ADGRL2: variants seen among roughly 807,000 people sequenced by gnomAD.
ADGRL2 encodes adhesion G protein-coupled receptor L2.
A neutral mutation model predicts 157.4 loss-of-function variants in ADGRL2; 44 were observed. That is an observed-to-expected ratio of 0.28 (90% CI 0.22 to 0.36). ADGRL2 has a LOEUF of 0.36. Among genes scored for constraint, ADGRL2 ranks in the 10% least tolerant of loss-of-function variants. The pLI, the probability that ADGRL2 is intolerant of heterozygous loss-of-function variation, is 1.00. For synonymous variants in ADGRL2, 585 were observed against 624.7 expected (o/e 0.94, Z 0.95); for missense variants, 1,510 against 1,768.9 (o/e 0.85, Z 2.63).
Position 81,851,787 on chromosome 1 carries a change from G to C in ADGRL2, c.73+14730G>C, listed in dbSNP as rs577424811. 1.9e-4 allele frequency among the ~76,000 whole-genome samples: 28 copies of C among 145,872 alleles called. No individual in the cohort carries two copies. The South Asian group carries it at 6.4e-3, about 33-fold the overall frequency. On this transcript the variant is annotated intron_variant, in intron 2 of 23. Transcript: ENST00000686636. ...GTATGTGTATGTATTCTGGCTGTCA[G>C]AATTTCTTATTTTCCACGTACGTTT...
intron 1 of ADGRL2, among the ~76,000 whole-genome samples, chr1:81,311,715 A>G (rs990910721): frequency 1.3e-5 from 2 of 152,238 alleles, no homozygotes; most frequent in African/African-American, 4.8e-5. Context: ...CTGACAGCAT[A>G]TTAAAATTTA....
At chr1:81,511,621 G>A (rs950173726) in intron 2 of ADGRL2, among the ~76,000 whole-genome samples, 1 of 151,994 alleles carries the variant, frequency 6.6e-6, no homozygotes, top group Non-Finnish European at 1.5e-5. Flanking sequence ...TTTTAAATTA[G>A]TAATCTCACT....
chr1:81,554,395 G>A (rs2080221842), intron 2 of ADGRL2, among the ~76,000 whole-genome samples: 1 of 151,998 alleles, frequency 6.6e-6, no homozygotes, highest in East Asian at 1.9e-4. Context: ...AGAACTGACT[G>A]AGCTCTTGCT....
intron 3 of ADGRL2, among the ~76,000 whole-genome samples, chr1:81,635,738 G>A (rs1375924986): frequency 1.3e-5 from 2 of 152,118 alleles, no homozygotes; most frequent in African/African-American, 2.4e-5. Context: ...TCACATTGGG[G>A]CATAAGATTT....
At chr1:81,690,867 C>T (rs1286823016) in intron 3 of ADGRL2, among the ~76,000 whole-genome samples, 1 of 152,166 alleles carries the variant, frequency 6.6e-6, no homozygotes, top group Non-Finnish European at 1.5e-5. Flanking sequence ...AGGTTTATTT[C>T]CCGTTTGTAA....
At chr1:81,594,427 T>A (rs1557490725) in intron 3 of ADGRL2, among the ~76,000 whole-genome samples, 1 of 152,346 alleles carries the variant, frequency 6.6e-6, no homozygotes, top group Middle Eastern at 3.4e-3. Context: ...TTTGGATAAG[T>A]CAAGTTGTCA....
chr1:81,949,397 C>T (rs1022976495), intron 6 of ADGRL2, among the ~76,000 whole-genome samples: 1 of 152,108 alleles, frequency 6.6e-6, no homozygotes, highest in African/African-American at 2.4e-5. Flanking sequence ...ATAATGAAAA[C>T]ATTTTTGCTT....
chr1:81,930,108 T>G (rs989487023), intron 3 of ADGRL2, among the ~76,000 whole-genome samples: 1 of 152,162 alleles, frequency 6.6e-6, no homozygotes, highest in Non-Finnish European at 1.5e-5. Context: ...TGAACAGAGA[T>G]AAACAGTATG....
chr1:81,414,331 G>A lies in ADGRL2; in HGVS notation c.-301-30705G>A, dbSNP rs576861580. 167 of 152,296 alleles carry A rather than the reference G, an allele frequency of 1.1e-3. 1 individual carries two copies. The highest frequency in any genetic ancestry group is 3.6e-3 in the African/African-American group (150 of 41,554). 9.4% of individuals were successfully genotyped at this position (152,296 alleles called of 1,614,324 possible). On this transcript the variant is annotated intron_variant, in intron 1 of 24. Transcript: ENST00000370721. Reference sequence around the variant, plus strand: ...TCCAGCTTCCCACAGTAATAAAATGGCACTGTTTGGCATCTTCGAGGTAAT... The same window carrying A: ...TCCAGCTTCCCACAGTAATAAAATGACACTGTTTGGCATCTTCGAGGTAAT...
chr1:81,427,372 A>G, intron 1 of ADGRL2: 1 of 735,848 alleles, frequency 1.4e-6, no homozygotes, highest in Admixed American at 1.7e-5. Flanking sequence ...CAGGATATGG[A>G]AACCAAGGTG....
intron 1 of ADGRL2, among the ~76,000 whole-genome samples, chr1:81,811,667 G>GT (rs1171832143): frequency 2.3e-4 from 34 of 150,922 alleles, no homozygotes; most frequent in Admixed American, 4.6e-4. Flanking sequence ...ACCCAGATCA[G>GT]TTTTTTTTTA....
At chr1:81,990,216 T>C (rs771916140) in intron 23 of ADGRL2, 175 bp from the exon 24 acceptor site, 8 of 985,376 alleles carry the variant, frequency 8.1e-6, no homozygotes, top group Non-Finnish European at 9.6e-6. Flanking sequence ...TCCTGTTATC[T>C]AAGGGGTTGC....
At chr1:81,909,261 T>G (rs558319963) in intron 3 of ADGRL2, among the ~76,000 whole-genome samples, 18 of 152,276 alleles carry the variant, frequency 1.2e-4, no homozygotes, top group Admixed American at 3.3e-4. Flanking sequence ...TAAGAGTTCT[T>G]TGTATATTTT....
At chr1:81,660,659 G>A (rs1158702843) in intron 3 of ADGRL2, among the ~76,000 whole-genome samples, 4 of 151,962 alleles carry the variant, frequency 2.6e-5, no homozygotes, top group East Asian at 3.9e-4. Flanking sequence ...TTTTCAAAGG[G>A]GACCTTTGAA....
intron 3 of ADGRL2, among the ~76,000 whole-genome samples, chr1:81,921,653 T>G (rs2094981809): frequency 1.3e-5 from 2 of 152,192 alleles, no homozygotes; most frequent in African/African-American, 4.8e-5. Context: ...AACCGAGCCT[T>G]TCAGACAAGT....
chr1:81,758,637 C>T (rs534435655), intron 1 of ADGRL2, among the ~76,000 whole-genome samples: 3 of 152,224 alleles, frequency 2.0e-5, no homozygotes, highest in Admixed American at 6.5e-5. Flanking sequence ...AAATCTGTGG[C>T]GTGGTTCTAT....
intron 1 of ADGRL2, among the ~76,000 whole-genome samples, chr1:81,760,941 A>G (rs1306551799): frequency 6.6e-6 from 1 of 151,930 alleles, no homozygotes; most frequent in African/African-American, 2.4e-5. Context: ...TCATAGGGAG[A>G]ATTCCTGAAT....
At position 81,711,620 on chromosome 1, in the gene ADGRL2, T is replaced by A. The variant is rs568284553; in HGVS notation, c.-143+11812T>A. Among the ~76,000 whole-genome samples, 24 of 152,308 alleles carry A rather than the reference T, an allele frequency of 1.6e-4. No individual in the cohort carries two copies. The South Asian group carries it at 3.3e-3, about 21-fold the overall frequency. ...TTTTGTTTTTGTTTTATTGCAAGTG[T>A]GAGGTGGTTAAGAATATGACTATAG... On this transcript the variant is annotated intron_variant, in intron 1 of 20. Coordinates refer to the ADGRL2 transcript ENST00000359929.
At chr1:81,736,584 G>A (rs1346267143) in intron 1 of ADGRL2, among the ~76,000 whole-genome samples, 1 of 152,118 alleles carries the variant, frequency 6.6e-6, no homozygotes, top group Admixed American at 6.5e-5. Flanking sequence ...ATGGACATAA[G>A]AGGCCAATTT....
Sources: allele counts gnomAD v4.1 joint callset (sites outside exome capture counted in the v4.1 genomes callset), GRCh38; gene constraint gnomAD v4.1.1; transcripts MANE v1.5; gene names NCBI Gene and HGNC (gene_info 2026-07-23, HGNC 2026-07-21).